Variants in BTBD9 observed in about 807,000 individuals in gnomAD.
The protein encoded by BTBD9 is BTB domain containing 9.
In BTBD9, 49 loss-of-function variants were observed where a neutral mutation model predicts 64.3. The ratio of observed to expected loss-of-function variants is 0.76; its 90% CI spans 0.61 to 0.97. BTBD9 has a LOEUF of 0.97. Among genes scored for constraint, BTBD9 ranks in the 50% least tolerant of loss-of-function variants. The pLI, the probability that BTBD9 is intolerant of heterozygous loss-of-function variation, is 0.00. For synonymous variants in BTBD9, 260 were observed against 274.7 expected, an observed-to-expected ratio of 0.95 and a Z score of 0.53; for missense variants, 598 against 762.1, an observed-to-expected ratio of 0.78 and a Z score of 2.53.
intron 6 of BTBD9, among the ~76,000 whole-genome samples, chr6:38,426,062 C>G (rs1234541887): frequency 6.6e-6 from 1 of 151,786 alleles, no homozygotes; most frequent in Non-Finnish European, 1.5e-5. Context: ...CAGGATGGAC[C>G]TCCAGGTGGA....
At chr6:38,427,486 G>A (rs1225366528) in intron 6 of BTBD9, among the ~76,000 whole-genome samples, 1 of 151,908 alleles carries the variant, frequency 6.6e-6, no homozygotes, top group African/African-American at 2.4e-5. Context: ...CAGGGAGCTG[G>A]AGCAACCATA....
chr6:38,387,682 A>G (rs1766237444), intron 6 of BTBD9, among the ~76,000 whole-genome samples: 1 of 152,222 alleles, frequency 6.6e-6, no homozygotes, highest in African/African-American at 2.4e-5. Flanking sequence ...GCCACAAAAT[A>G]TAACATATGG....
chr6:38,512,121 G>A (rs556324020), intron 6 of BTBD9, among the ~76,000 whole-genome samples: 11 of 152,214 alleles, frequency 7.2e-5, no homozygotes, highest in African/African-American at 2.6e-4. Flanking sequence ...TTACAGGCAC[G>A]CACCATCACG....
chr6:38,374,327 G>A (rs367756329), intron 6 of BTBD9, among the ~76,000 whole-genome samples: 1,116 of 67,322 alleles, frequency 0.017, 67 homozygotes, highest in African/African-American at 0.066. Flanking sequence ...ATATATATAT[G>A]TATATAAAAT....
At chr6:38,380,802 G>A (rs1765898970) in intron 6 of BTBD9, among the ~76,000 whole-genome samples, 1 of 152,182 alleles carries the variant, frequency 6.6e-6, no homozygotes, top group Non-Finnish European at 1.5e-5. Context: ...CTATGATCAT[G>A]ACACTGCACT....
intron 6 of BTBD9, among the ~76,000 whole-genome samples, chr6:38,374,353 A>G (rs866073513): frequency 7.4e-6 from 1 of 134,440 alleles, no homozygotes; most frequent in East Asian, 2.1e-4. Flanking sequence ...CTCAAACTAT[A>G]TAAGAGTAAG....
At chr6:38,552,022 A>G (rs1038791032) in intron 6 of BTBD9, among the ~76,000 whole-genome samples, 1 of 152,232 alleles carries the variant, frequency 6.6e-6, no homozygotes. Context: ...CATTCTCTCC[A>G]TATGCATTTA....
intron 7 of BTBD9, among the ~76,000 whole-genome samples, chr6:38,312,949 T>C (rs1002946379): frequency 2.6e-5 from 4 of 152,208 alleles, no homozygotes; most frequent in South Asian, 2.1e-4. Flanking sequence ...AAGAATGTCA[T>C]TGGTATTTTA....
chr6:38,551,865 G>A (rs925695446), intron 6 of BTBD9, among the ~76,000 whole-genome samples: 3 of 152,226 alleles, frequency 2.0e-5, no homozygotes, highest in Non-Finnish European at 4.4e-5. Flanking sequence ...TAGAGATGTT[G>A]AAGGCAGGGT....
chr6:38,328,218 A>G (rs1763515301), intron 7 of BTBD9, among the ~76,000 whole-genome samples: 2 of 152,204 alleles, frequency 1.3e-5, no homozygotes, highest in Admixed American at 6.5e-5. Flanking sequence ...TCTTCCTTAC[A>G]ATTTTACGCA....
At position 38,413,459 on chromosome 6, in the gene BTBD9, C is replaced by CA. The variant is rs534355155; in HGVS notation, c.1155-68367dup. Among the ~76,000 whole-genome samples, 197 of 152,240 alleles carry CA rather than the reference C, an allele frequency of 1.3e-3. 1 individual carries two copies. The Middle Eastern group carries it at 0.017, about 13-fold the overall frequency. On this transcript the variant is annotated intron_variant, in intron 6 of 10. Transcript: ENST00000481247. ...TTTTATTTCCTTACACTGTATAGGC[C>CA]AAACAAAAATGCCACTGTTTAGACC...
At chr6:38,544,921 A>C in intron 6 of BTBD9, among the ~76,000 whole-genome samples, 1 of 125,462 alleles carries the variant, frequency 8.0e-6, no homozygotes, top group Non-Finnish European at 1.7e-5. Flanking sequence ...GAACAAAACT[A>C]CATCTCAAAA....
At chr6:38,232,206 GCATGGA>G (rs1164648494) in intron 9 of BTBD9, among the ~76,000 whole-genome samples, 1 of 152,064 alleles carries the variant, frequency 6.6e-6, no homozygotes, top group East Asian at 1.9e-4. Context: ...CTGCTCCCTG[GCATGGA>G]CAGTCCTTCT....
At chr6:38,390,990 C>G (rs751166780) in intron 6 of BTBD9, among the ~76,000 whole-genome samples, 1 of 152,218 alleles carries the variant, frequency 6.6e-6, no homozygotes, top group Non-Finnish European at 1.5e-5. Flanking sequence ...TTTACTCTAT[C>G]ATTCCTGCTT....
chr6:38,537,161 T>C (rs914885853), intron 6 of BTBD9, among the ~76,000 whole-genome samples: 2 of 152,194 alleles, frequency 1.3e-5, no homozygotes, highest in African/African-American at 2.4e-5. Flanking sequence ...ACTTGTAGAC[T>C]GTAGAATTGT....
At chr6:38,531,487 G>C (rs1773798016) in intron 6 of BTBD9, among the ~76,000 whole-genome samples, 1 of 152,092 alleles carries the variant, frequency 6.6e-6, no homozygotes, top group Admixed American at 6.6e-5. Context: ...TGAGCAATAA[G>C]AAATCATCTG....
intron 9 of BTBD9, among the ~76,000 whole-genome samples, chr6:38,254,825 T>C (rs1319472467): frequency 6.6e-6 from 1 of 152,158 alleles, no homozygotes; most frequent in African/African-American, 2.4e-5. Context: ...GAATGTAAAA[T>C]GGTGCAGCTG....
chr6:38,585,689 G>T (rs1473123297), intron 4 of BTBD9, among the ~76,000 whole-genome samples: 1 of 152,082 alleles, frequency 6.6e-6, no homozygotes, highest in African/African-American at 2.4e-5. Context: ...TTAAATTCTA[G>T]TTTAGAAGCC....
chr6:38,228,091 G>T (rs1246682223), intron 9 of BTBD9, among the ~76,000 whole-genome samples: 1 of 152,142 alleles, frequency 6.6e-6, no homozygotes, highest in Non-Finnish European at 1.5e-5. Flanking sequence ...GCCAGGCACA[G>T]TGGCTCAAAC....
Sources: gnomAD v4.1 joint callset for allele counts (sites outside exome capture counted in the v4.1 genomes callset) on GRCh38, gnomAD v4.1.1 for gene constraint, MANE v1.5 for transcripts, NCBI Gene and HGNC (gene_info 2026-07-23, HGNC 2026-07-21) for gene names.